Variants in MYO18B observed in about 807,000 individuals in gnomAD.
MYO18B encodes the protein unconventional myosin-XVIIIb.
In MYO18B, 204 loss-of-function variants were observed where a neutral mutation model predicts 273.0. That is an observed-to-expected ratio of 0.75 (90% CI 0.67 to 0.84). The LOEUF is 0.84. MYO18B is among the 40% of genes least tolerant of loss of function. The probability of loss-of-function intolerance (pLI) is 0.00; values close to 1 mark genes in which losing one functional copy is unlikely to be tolerated. For synonymous variants in MYO18B, 1,330 were observed against 1,305.7 expected, an observed-to-expected ratio of 1.02 and a Z score of -0.40; for missense variants, 3,212 against 3,287.6, an observed-to-expected ratio of 0.98 and a Z score of 0.56.
At chr22:25,752,332 C>T (rs1000850423) in intron 1 of MYO18B, among the ~76,000 whole-genome samples, 30 of 150,028 alleles carry the variant, frequency 2.0e-4, no homozygotes, top group Non-Finnish European at 4.0e-4. Context: ...GGACTACAGG[C>T]GCCCGCCACT....
At chr22:25,902,952 C>T in intron 30 of MYO18B, 1 of 525,788 alleles carries the variant, frequency 1.9e-6, no homozygotes, top group Non-Finnish European at 3.3e-6. Context: ...CTTGATCTTG[C>T]TTCAGTTACC....
chr22:25,941,343 T>C (rs2092642114), intron 34 of MYO18B, among the ~76,000 whole-genome samples: 1 of 151,448 alleles, frequency 6.6e-6, no homozygotes, highest in Admixed American at 6.6e-5. Flanking sequence ...CAGGTCCTCA[T>C]TGTCACACTG....
At chr22:25,965,738 C>T (rs1477383572) in intron 39 of MYO18B, among the ~76,000 whole-genome samples, 1 of 152,176 alleles carries the variant, frequency 6.6e-6, no homozygotes, top group African/African-American at 2.4e-5. Context: ...CTTTGTTTTT[C>T]ATATATTTAG....
chr22:25,946,321 T>A, intron 35 of MYO18B, 71 bp downstream of exon 35: 1 of 1,066,876 alleles, frequency 9.4e-7, no homozygotes, highest in Non-Finnish European at 1.4e-6. Flanking sequence ...GTGGGCCTAG[T>A]GTGCGCTCAG....
intron 27 of MYO18B, chr22:25,894,873 C>T (rs2091760023): frequency 7.6e-6 from 2 of 264,246 alleles, no homozygotes; most frequent in African/African-American, 4.4e-5. Context: ...GATATGAATA[C>T]ACTTATAGAG....
At chr22:26,020,370 A>T (rs1056976366) in intron 42 of MYO18B, among the ~76,000 whole-genome samples, 1 of 152,094 alleles carries the variant, frequency 6.6e-6, no homozygotes, top group African/African-American at 2.4e-5. Flanking sequence ...ACACTGTCTC[A>T]GACACTAGCT....
intron 17 of MYO18B, among the ~76,000 whole-genome samples, chr22:25,842,708 A>G (rs967402565): frequency 6.6e-6 from 1 of 151,188 alleles, no homozygotes; most frequent in African/African-American, 2.4e-5. Flanking sequence ...ATCTGGGGCC[A>G]TTCAGTATGG....
intron 39 of MYO18B, among the ~76,000 whole-genome samples, chr22:25,958,596 A>G (rs2092881339): frequency 6.6e-6 from 1 of 152,198 alleles, no homozygotes; most frequent in Admixed American, 6.5e-5. Flanking sequence ...TGGCACAGGG[A>G]TAGGCACTGG....
chr22:26,038,005 A>T, the MYO18B span, among the ~76,000 whole-genome samples: 1 of 152,216 alleles, frequency 6.6e-6, no homozygotes, highest in African/African-American at 2.4e-5. Flanking sequence ...CCCAGCTGGT[A>T]CAAGTACATT....
chr22:25,857,215 C>T (rs1181990924), intron 21 of MYO18B, among the ~76,000 whole-genome samples: 2 of 152,182 alleles, frequency 1.3e-5, no homozygotes, highest in South Asian at 2.1e-4. Context: ...ACCTTGGCTA[C>T]GTCCCAGATT....
At chr22:25,780,329 G>A (rs1348704380) in intron 9 of MYO18B, 131 bp downstream of exon 9, 2 of 1,161,490 alleles carry the variant, frequency 1.7e-6, no homozygotes, top group East Asian at 5.2e-5. Context: ...GGTGGCTCAG[G>A]CCTGTAATCC....
chr22:25,961,163 G>A (rs1407849885), intron 39 of MYO18B, among the ~76,000 whole-genome samples: 2 of 151,422 alleles, frequency 1.3e-5, no homozygotes, highest in Admixed American at 6.6e-5. Context: ...TCAAGATTAC[G>A]GTGAACTATG....
chr22:25,843,937 G>T, intron 18 of MYO18B, 43 bp downstream of exon 18: 1 of 1,573,110 alleles, frequency 6.4e-7, no homozygotes, highest in East Asian at 2.3e-5. Context: ...AGCATTGGAG[G>T]CACTGTGTTT....
chr22:26,035,141 C>T (rs185327183), downstream of MYO18B, among the ~76,000 whole-genome samples: 14 of 152,270 alleles, frequency 9.2e-5, no homozygotes, highest in Admixed American at 2.6e-4. Context: ...TTGCTCATAT[C>T]GCAGACCATG....
rs569184581 is a variant in MYO18B at position 25,981,495 on chromosome 22, A to G, written c.6157-10868A>G. ...TTGTCCTTTCTGAGGTTAGGCTATA[A>G]AAGACATTTGGTGGCAGCAGGATCA... On this transcript the variant is annotated intron_variant, in intron 39 of 43. Transcript: ENST00000335473. 2.6e-5 allele frequency among the ~76,000 whole-genome samples: 4 copies of G among 152,322 alleles called. No individual in the cohort carries two copies. The South Asian group carries it at 8.3e-4, about 32-fold the overall frequency.
At chr22:25,945,703 T>TCTC (rs2092696349) in intron 34 of MYO18B, among the ~76,000 whole-genome samples, 1 of 33,108 alleles carries the variant, frequency 3.0e-5, no homozygotes, top group Non-Finnish European at 5.9e-5. Flanking sequence ...TCGCCTCCCC[T>TCTC]CTCCCCTCGC....
At position 25,921,388 on chromosome 22, in the gene MYO18B, G is replaced by T; in HGVS notation, c.5496G>T (p.Glu1832Asp). Reference protein sequence around the residue: ...EDGKTSVSKEELEKVHSQLEQ... With the variant: ...EDGKTSVSKEDLEKVHSQLEQ... Reference sequence around the variant, plus strand: ...GCAAGACATCAGTCAGCAAGGAGGAGCTGGAGAAAGTGCACAGCCAGGTGG... The same window carrying T: ...GCAAGACATCAGTCAGCAAGGAGGATCTGGAGAAAGTGCACAGCCAGGTGG... Residue 1832 changes from glutamate to aspartate, a missense_variant, in exon 34 of 44, where the codon GAG (glutamate) becomes GAT (aspartate). Physicochemically the swap from Glu to Asp is conservative, Grantham distance 45 (BLOSUM62 2). Transcript: ENST00000335473. The T allele has an allele frequency of 6.2e-7, 1 of 1,601,406 alleles. No individual in the cohort carries two copies. The highest frequency in any genetic ancestry group is 8.5e-7 in the Non-Finnish European group (1 of 1,174,146).
At chr22:25,765,878 G>T (rs2086487472) in intron 3 of MYO18B, among the ~76,000 whole-genome samples, 1 of 152,280 alleles carries the variant, frequency 6.6e-6, no homozygotes, top group African/African-American at 2.4e-5. Flanking sequence ...TTTTCAATAT[G>T]GTGTAGACAG....
chr22:25,944,496 C>G (rs141148100), intron 34 of MYO18B, among the ~76,000 whole-genome samples: 1 of 152,130 alleles, frequency 6.6e-6, no homozygotes, highest in Non-Finnish European at 1.5e-5. Context: ...TACTGTAGAC[C>G]TGCTAAATGT....
Sources: allele counts gnomAD v4.1 joint callset (sites outside exome capture counted in the v4.1 genomes callset), GRCh38; gene constraint gnomAD v4.1.1; transcripts MANE v1.5; gene names NCBI Gene and HGNC (gene_info 2026-07-23, HGNC 2026-07-21).